Variants in SLC17A6 observed in about 807,000 individuals in gnomAD.
SLC17A6 encodes solute carrier family 17 member 6.
SLC17A6 carries 35 observed loss-of-function variants against 67.1 expected under a neutral mutation model. That is an observed-to-expected ratio of 0.52 (90% CI 0.40 to 0.69). The LOEUF (loss-of-function observed/expected upper bound fraction) is 0.69, where lower values mean the gene tolerates loss of function less well. SLC17A6 is among the 30% of genes least tolerant of loss of function. The probability of loss-of-function intolerance (pLI) is 0.00; values close to 1 mark genes in which losing one functional copy is unlikely to be tolerated. For missense variants in SLC17A6, 588 were observed against 723.9 expected, an observed-to-expected ratio of 0.81 and a Z score of 2.15; for synonymous variants, 285 against 252.3, an observed-to-expected ratio of 1.13 and a Z score of -1.23.
intron 3 of SLC17A6, among the ~76,000 whole-genome samples, chr11:22,351,462 C>T (rs891628111): frequency 1.3e-5 from 2 of 152,250 alleles, no homozygotes; most frequent in Middle Eastern, 3.4e-3. Context: ...TGAAGGCAGG[C>T]ATACTGATAC....
intron 4 of SLC17A6, among the ~76,000 whole-genome samples, chr11:22,360,528 C>A (rs1193314546): frequency 2.3e-5 from 2 of 86,456 alleles, no homozygotes; most frequent in African/African-American, 8.1e-5. Context: ...GCTCTCCTTC[C>A]CCCCCCCCCA....
chr11:22,369,190 G>C (rs1856145821), intron 7 of SLC17A6, among the ~76,000 whole-genome samples: 1 of 151,950 alleles, frequency 6.6e-6, no homozygotes. Context: ...AATAATTAGG[G>C]AATATGAGAG....
chr11:22,369,802 C>T (rs758277499), intron 7 of SLC17A6, among the ~76,000 whole-genome samples: 1 of 151,728 alleles, frequency 6.6e-6, no homozygotes, highest in Admixed American at 6.6e-5. Context: ...CTGCATATTC[C>T]TAAAGCTGGA....
chr11:22,358,014 G>C (rs1332825625), intron 3 of SLC17A6, among the ~76,000 whole-genome samples: 1 of 152,116 alleles, frequency 6.6e-6, no homozygotes, highest in Non-Finnish European at 1.5e-5. Flanking sequence ...ATTCACTGCT[G>C]TTTGGGATGT....
chr11:22,347,582 T>C (rs1855892990), intron 3 of SLC17A6, among the ~76,000 whole-genome samples: 1 of 152,242 alleles, frequency 6.6e-6, no homozygotes, highest in African/African-American at 2.4e-5. Context: ...GCATTAATAA[T>C]GCAAATGGTT....
chr11:22,376,454 T>C, intron 10 of SLC17A6, 91 bp from the exon 11 acceptor site: 1 of 1,396,106 alleles, frequency 7.2e-7, no homozygotes, highest in East Asian at 2.3e-5. Flanking sequence ...GTACCCAGTA[T>C]ATTTTAAGGA....
At chr11:22,365,993 A>G (rs570057040) in intron 7 of SLC17A6, among the ~76,000 whole-genome samples, 1 of 152,032 alleles carries the variant, frequency 6.6e-6, no homozygotes, top group East Asian at 1.9e-4. Context: ...CAAATACAAT[A>G]AATAGTTGTT....
At chr11:22,365,725 T>A in intron 7 of SLC17A6, 36 bp downstream of exon 7, 1 of 1,583,136 alleles carries the variant, frequency 6.3e-7, no homozygotes, top group African/African-American at 1.4e-5. Flanking sequence ...TCCTATCTTA[T>A]TCCCATCTCG....
rs1438081789 is a variant in SLC17A6, at chr11:22,341,591, A to G, written c.150A>G (p.Leu50=). The change falls in exon 2 of 12, where the codon CTA becomes CTG. Residue 50 remains leucine, a synonymous_variant. Coordinates refer to ENST00000263160, the MANE Select transcript of SLC17A6 (RefSeq NM_020346.3). ...TIELTEDGKP[L]EVPERKAPLC... ...AGCTGACGGAGGATGGGAAGCCCCT[A>G]GAGGTGCCCGAGAGGAAGGCGCCGC... The G allele has an allele frequency of 6.2e-7, 1 of 1,614,068 alleles. No homozygotes were observed. Among genetic ancestry groups the G allele is most frequent in the Admixed American group, 1.7e-5 (1 of 60,020 alleles).
At chr11:22,359,795 A>C (rs1025413844) in intron 4 of SLC17A6, among the ~76,000 whole-genome samples, 4 of 149,370 alleles carry the variant, frequency 2.7e-5, no homozygotes, top group Non-Finnish European at 4.5e-5. Flanking sequence ...TTAAAAAAAA[A>C]CAGGGACTTT....
intron 1 of SLC17A6, among the ~76,000 whole-genome samples, chr11:22,339,180 T>TATATATATG (rs60420630): frequency 6.2e-5 from 2 of 32,138 alleles, no homozygotes; most frequent in East Asian, 2.8e-3. Context: ...ATATATATGT[T>TATATATATG]TTATATATAT....
At chr11:22,373,287 T>C (rs1257255194) in intron 8 of SLC17A6, among the ~76,000 whole-genome samples, 1 of 152,214 alleles carries the variant, frequency 6.6e-6, no homozygotes, top group African/African-American at 2.4e-5. Flanking sequence ...CCTTTATAAA[T>C]GCCAAAAATA....
chr11:22,356,719 C>T (rs973452595), intron 3 of SLC17A6, among the ~76,000 whole-genome samples: 3 of 152,142 alleles, frequency 2.0e-5, no homozygotes, highest in Non-Finnish European at 2.9e-5. Context: ...GCCTGTACTC[C>T]AAGCTACTCA....
At position 22,341,661 on chromosome 11, in the gene SLC17A6, G is replaced by T; in HGVS notation, c.220G>T (p.Ala74Ser). Residue 74 changes from alanine (A) to serine (S), a missense_variant, in exon 2 of 12, where the codon GCC becomes TCC. Physicochemically the swap from Ala to Ser is moderately conservative, Grantham distance 99. Transcript: ENST00000263160. ...CGGCCTGCCCCGCCGCTACATTATC[G>T]CCATCATGAGCGGCCTGGGCTTCTG... is the stretch of plus-strand genomic sequence containing the variant. ...CFGLPRRYIIAIMSGLGFCIS... is the reference protein window; with the variant it reads ...CFGLPRRYIISIMSGLGFCIS... 6.2e-7 allele frequency: 1 copy of T among 1,614,184 alleles called. No homozygotes were observed. The highest frequency in any genetic ancestry group is 8.5e-7 in the Non-Finnish European group (1 of 1,180,036).
intron 2 of SLC17A6, among the ~76,000 whole-genome samples, chr11:22,342,579 G>C (rs1855829191): frequency 6.7e-6 from 1 of 149,784 alleles, no homozygotes. Flanking sequence ...GGTTCCCCTC[G>C]GGGAGTCACC....
At chr11:22,361,520 T>C (rs1856052993) in intron 5 of SLC17A6, among the ~76,000 whole-genome samples, 1 of 152,096 alleles carries the variant, frequency 6.6e-6, no homozygotes, top group Non-Finnish European at 1.5e-5. Flanking sequence ...TATTATAATT[T>C]AAATTAATTA....
At chr11:22,363,318 AG>A (rs1856073759) in intron 6 of SLC17A6, among the ~76,000 whole-genome samples, 1 of 152,202 alleles carries the variant, frequency 6.6e-6, no homozygotes, top group African/African-American at 2.4e-5. Flanking sequence ...CTGCTGTAGC[AG>A]CATATCTCAG....
At chr11:22,360,420 A>G (rs996648443) in intron 4 of SLC17A6, among the ~76,000 whole-genome samples, 1 of 151,616 alleles carries the variant, frequency 6.6e-6, no homozygotes, top group African/African-American at 2.4e-5. Context: ...GTAAACCACC[A>G]TGGCACACAT....
At chr11:22,350,146 G>A (rs1302674558) in intron 3 of SLC17A6, among the ~76,000 whole-genome samples, 1 of 152,036 alleles carries the variant, frequency 6.6e-6, no homozygotes, top group African/African-American at 2.4e-5. Flanking sequence ...ACTCATTATG[G>A]GCCATATTGA....
Sources: gnomAD v4.1 joint callset for allele counts (sites outside exome capture counted in the v4.1 genomes callset) on GRCh38, gnomAD v4.1.1 for gene constraint, MANE v1.5 for transcripts, NCBI Gene and HGNC (gene_info 2026-07-23, HGNC 2026-07-21) for gene names.